Variants in PITPNC1 observed in about 807,000 individuals in gnomAD.
The protein encoded by PITPNC1 is phosphatidylinositol transfer protein cytoplasmic 1, also known as cytoplasmic phosphatidylinositol transfer protein 1.
In PITPNC1, 18 loss-of-function variants were observed where a neutral mutation model predicts 44.7. That is an observed-to-expected ratio of 0.40 (90% CI 0.28 to 0.60). The LOEUF (loss-of-function observed/expected upper bound fraction) is 0.60. PITPNC1 is among the 20% of genes least tolerant of loss of function. The probability of loss-of-function intolerance (pLI) is 0.39; values close to 1 mark genes in which losing one functional copy is unlikely to be tolerated. For missense variants in PITPNC1, 290 were observed against 418.4 expected (o/e 0.69, Z 2.68); for synonymous variants, 141 against 149.6 (o/e 0.94, Z 0.42).
chr17:67,656,438 C>T (rs2042268729), intron 6 of PITPNC1, among the ~76,000 whole-genome samples: 1 of 152,210 alleles, frequency 6.6e-6, no homozygotes, highest in Non-Finnish European at 1.5e-5. Context: ...AGGGCCCTCC[C>T]ACTTAATCCA....
chr17:67,546,883 A>G (rs1401895399), intron 2 of PITPNC1, among the ~76,000 whole-genome samples: 3 of 152,208 alleles, frequency 2.0e-5, no homozygotes, highest in Non-Finnish European at 4.4e-5. Context: ...CAAGTAAAAG[A>G]CCAGCCAGAA....
intron 5 of PITPNC1, among the ~76,000 whole-genome samples, chr17:67,579,383 G>T (rs2041195472): frequency 6.6e-6 from 1 of 152,160 alleles, no homozygotes; most frequent in Non-Finnish European, 1.5e-5. Flanking sequence ...AGAGTTCATG[G>T]AACTTCCCAG....
intron 1 of PITPNC1, among the ~76,000 whole-genome samples, chr17:67,393,144 A>G (rs941970789): frequency 1.3e-5 from 2 of 151,762 alleles, no homozygotes; most frequent in Non-Finnish European, 1.5e-5. Context: ...AAAAAAAAAA[A>G]GCAGAAAAAT....
At chr17:67,536,701 T>C (rs1465866406) in intron 2 of PITPNC1, among the ~76,000 whole-genome samples, 1 of 152,052 alleles carries the variant, frequency 6.6e-6, no homozygotes, top group East Asian at 1.9e-4. Context: ...CAAATTTGGA[T>C]GGTAAAATAA....
At chr17:67,548,192 C>A (rs1440994869) in intron 2 of PITPNC1, among the ~76,000 whole-genome samples, 2 of 152,200 alleles carry the variant, frequency 1.3e-5, no homozygotes, top group Non-Finnish European at 2.9e-5. Context: ...GATTTTCTGG[C>A]AGGTGGGACT....
At chr17:67,572,968 G>C (rs1175369096) in intron 4 of PITPNC1, among the ~76,000 whole-genome samples, 1 of 152,174 alleles carries the variant, frequency 6.6e-6, no homozygotes, top group Non-Finnish European at 1.5e-5. Context: ...AAGAGACAAG[G>C]ACAGATTCTC....
chr17:67,660,500 ATATTTTATTT>A lies in PITPNC1; in HGVS notation c.463-8992_463-8983del, dbSNP rs573834067. ...TATTAGTCTTTTTCATGTATCATATATATTTTATTTTATTTTATTTTATTTATTTATTTAT... is the reference window on the plus strand; with the variant it reads ...TATTAGTCTTTTTCATGTATCATATATATTTTATTTTATTTATTTATTTAT... On this transcript the variant is annotated intron_variant, in intron 6 of 8. Transcript: ENST00000581322. Among the ~76,000 whole-genome samples, 56 of 149,314 alleles carry A rather than the reference ATATTTTATTT, an allele frequency of 3.8e-4. No individual in the cohort carries two copies. In the South Asian group the frequency reaches 3.8e-3, roughly 10 times the overall value.
At chr17:67,385,151 C>T (rs751790563) in intron 1 of PITPNC1, among the ~76,000 whole-genome samples, 7 of 152,134 alleles carry the variant, frequency 4.6e-5, no homozygotes, top group Non-Finnish European at 8.8e-5. Flanking sequence ...GAGAACTTTT[C>T]TGTCTTACAA....
intron 1 of PITPNC1, among the ~76,000 whole-genome samples, chr17:67,401,225 G>A (rs1421486403): frequency 7.9e-5 from 12 of 152,114 alleles, no homozygotes; most frequent in African/African-American, 2.4e-4. Context: ...GTGAGCCACC[G>A]CGCCTGGCCA....
chr17:67,399,686 A>G (rs926809177), intron 1 of PITPNC1, among the ~76,000 whole-genome samples: 9 of 152,244 alleles, frequency 5.9e-5, no homozygotes, highest in Admixed American at 5.9e-4. Flanking sequence ...TCAAATGGCA[A>G]ATTCCAACAG....
At chr17:67,439,932 TAAAAC>T (rs1278398898) in intron 1 of PITPNC1, among the ~76,000 whole-genome samples, 1 of 152,084 alleles carries the variant, frequency 6.6e-6, no homozygotes, top group African/African-American at 2.4e-5. Context: ...ACAAACAAGT[TAAAAC>T]AAACCCAAAA....
At chr17:67,650,636 A>G (rs1427870133) in intron 6 of PITPNC1, among the ~76,000 whole-genome samples, 1 of 151,998 alleles carries the variant, frequency 6.6e-6, no homozygotes, top group Non-Finnish European at 1.5e-5. Flanking sequence ...TTTTTAGTAG[A>G]GACGGGGTTT....
chr17:67,470,964 C>G (rs1272221502), intron 1 of PITPNC1, among the ~76,000 whole-genome samples: 1 of 124,542 alleles, frequency 8.0e-6, no homozygotes, highest in East Asian at 2.2e-4. Flanking sequence ...GGATTAAGGG[C>G]GGTGCAAGAT....
intron 6 of PITPNC1, among the ~76,000 whole-genome samples, chr17:67,648,212 T>A (rs1185192874): frequency 2.0e-5 from 3 of 152,206 alleles, no homozygotes; most frequent in Non-Finnish European, 4.4e-5. Context: ...ATGCTGCAAC[T>A]CATCGAGATA....
chr17:67,653,264 C>G (rs2042228921), intron 6 of PITPNC1, among the ~76,000 whole-genome samples: 1 of 152,002 alleles, frequency 6.6e-6, no homozygotes. Context: ...CAGCAAGACT[C>G]TGTCTAAAAG....
At chr17:67,687,599 G>A (rs1349921393) in intron 8 of PITPNC1, among the ~76,000 whole-genome samples, 1 of 152,174 alleles carries the variant, frequency 6.6e-6, no homozygotes. Context: ...AGCTATTTTA[G>A]GTTTCTTTAC....
At chr17:67,417,122 G>A (rs774108892) in intron 1 of PITPNC1, among the ~76,000 whole-genome samples, 12 of 150,606 alleles carry the variant, frequency 8.0e-5, no homozygotes, top group Non-Finnish European at 1.2e-4. Context: ...CCAACATTCA[G>A]CATTCTCTTA....
At chr17:67,620,774 A>AC (rs1345553813) in intron 5 of PITPNC1, among the ~76,000 whole-genome samples, 2 of 152,076 alleles carry the variant, frequency 1.3e-5, no homozygotes, top group Non-Finnish European at 2.9e-5. Flanking sequence ...CAGCCTTAAT[A>AC]CCCCTGAAAT....
rs1160288777 is a variant in PITPNC1 at position 67,631,689 on chromosome 17, C to T, written c.367-454C>T. On this transcript the variant is annotated intron_variant, in intron 5 of 8. Coordinates refer to ENST00000581322, the MANE Select transcript of PITPNC1 (RefSeq NM_012417.4). ...ATATATATAAAATATATATTTTTAA[C>T]ATATATATAATTTTAATTTTAAAAA... Among the ~76,000 whole-genome samples the T allele has an allele frequency of 3.1e-3, 246 of 79,804 alleles. 4 individuals are homozygous for T. Among genetic ancestry groups the T allele is most frequent in the African/African-American group, 0.011 (236 of 22,220 alleles). The allele number at this position is 79,804 out of a possible 152,430, so 52.4% of individuals were successfully genotyped here. A position where few individuals can be genotyped will look rare whatever the true frequency, so the allele number is the denominator to read the frequency against.
Sources: allele counts gnomAD v4.1 joint callset (sites outside exome capture counted in the v4.1 genomes callset), GRCh38; gene constraint gnomAD v4.1.1; transcripts MANE v1.5; gene names NCBI Gene and HGNC (gene_info 2026-07-23, HGNC 2026-07-21).